CPQ: variants seen among roughly 807,000 people sequenced by gnomAD.
CPQ encodes Ser-Met dipeptidase.
CPQ carries 37 observed loss-of-function variants against 45.7 expected under a neutral mutation model. The ratio of observed to expected loss-of-function variants is 0.81; its 90% confidence interval spans 0.62 to 1.07. The LOEUF is 1.07. Among genes scored for constraint, CPQ ranks in the 50% least tolerant of loss-of-function variants. The pLI, the probability that CPQ is intolerant of heterozygous loss-of-function variation, is 0.00. For missense variants in CPQ, 537 were observed against 572.9 expected, an observed-to-expected ratio of 0.94 and a Z score of 0.64; for synonymous variants, 186 against 205.8, an observed-to-expected ratio of 0.90 and a Z score of 0.82.
At chr8:96,762,813 G>A (rs1283250045) in intron 1 of CPQ, among the ~76,000 whole-genome samples, 1 of 152,108 alleles carries the variant, frequency 6.6e-6, no homozygotes, top group Non-Finnish European at 1.5e-5. Context: ...TTTTCTTCTA[G>A]AAGTTTTTAT....
rs1421001699 is a variant in CPQ at position 96,662,507 on chromosome 8, TGAA to T, written c.-35+17109_-35+17111del. Among the ~76,000 whole-genome samples, 2 of 152,222 alleles carry T rather than the reference TGAA, an allele frequency of 1.3e-5. 1 individual carries two copies. Among genetic ancestry groups the T allele is most frequent in the South Asian group, 4.1e-4 (2 of 4,838 alleles). ...AGTATATCCTTGTTTATTCTCCTAA[TGAA>T]GAACTGCATCCTTAAAGCTGGCATA... On this transcript the variant is annotated intron_variant, in intron 1 of 7. Transcript: ENST00000220763.
chr8:96,786,226 C>A (rs1030662899), intron 2 of CPQ, among the ~76,000 whole-genome samples: 43 of 152,208 alleles, frequency 2.8e-4, no homozygotes, highest in African/African-American at 9.9e-4. Context: ...TGCTTTCTGT[C>A]TTTATGGATT....
chr8:96,736,662 A>G (rs558121740), intron 1 of CPQ, among the ~76,000 whole-genome samples: 1 of 152,216 alleles, frequency 6.6e-6, no homozygotes, highest in Non-Finnish European at 1.5e-5. Flanking sequence ...AAATGGCTGC[A>G]TACTACATGT....
chr8:96,754,741 T>C (rs1370821022), intron 1 of CPQ, among the ~76,000 whole-genome samples: 2 of 152,076 alleles, frequency 1.3e-5, no homozygotes, highest in Admixed American at 1.3e-4. Context: ...TAAAATATGT[T>C]TCATTTACCT....
In CPQ at chr8:97,035,998, T is replaced by C. The variant is rs531034466; in HGVS notation, c.1053+6504T>C. Among the ~76,000 whole-genome samples, 18 of 152,262 alleles carry C rather than the reference T, an allele frequency of 1.2e-4. 1 individual carries two copies. In the South Asian group the frequency reaches 3.1e-3, roughly 26 times the overall value. Reference sequence around the variant, plus strand: ...CTGGGATTACAGGCGTGAGCCACCATGCCCGGCCGCCTTAAGACTATCTTC... The same window carrying C: ...CTGGGATTACAGGCGTGAGCCACCACGCCCGGCCGCCTTAAGACTATCTTC... On this transcript the variant is annotated intron_variant, in intron 6 of 7. Coordinates refer to ENST00000220763, the MANE Select transcript of CPQ (RefSeq NM_016134.4).
At position 96,897,418 on chromosome 8, in the gene CPQ, A is replaced by C. The variant is rs373275278; in HGVS notation, c.849+17413A>C. The stretch of plus-strand genomic sequence containing the variant: ...TCATTGTTTCCTTACTAACTGTATG[A>C]AAGAAGAACACGTGTTGAGCCCCTC... On this transcript the variant is annotated intron_variant, in intron 4 of 7. Transcript: ENST00000220763. Among the ~76,000 whole-genome samples the C allele has an allele frequency of 6.6e-5, 10 of 152,254 alleles. No individual in the cohort carries two copies. The East Asian group carries it at 1.7e-3, about 27-fold the overall frequency.
At chr8:97,076,132 C>T (rs1289602304) in intron 7 of CPQ, among the ~76,000 whole-genome samples, 3 of 152,144 alleles carry the variant, frequency 2.0e-5, no homozygotes, top group South Asian at 2.1e-4. Flanking sequence ...TTCAAGTGAT[C>T]CTCCTGCCTC....
intron 7 of CPQ, among the ~76,000 whole-genome samples, chr8:97,093,214 C>G (rs184088504): frequency 6.6e-6 from 1 of 152,132 alleles, no homozygotes; most frequent in East Asian, 1.9e-4. Context: ...TTACACACTG[C>G]TGGTGGGAAT....
At chr8:96,970,500 C>T (rs1236292845) in intron 5 of CPQ, among the ~76,000 whole-genome samples, 1 of 152,010 alleles carries the variant, frequency 6.6e-6, no homozygotes, top group African/African-American at 2.4e-5. Flanking sequence ...AAGTACCTTG[C>T]CCAAGATCAC....
chr8:96,868,130 T>C (rs1586431785), intron 3 of CPQ, among the ~76,000 whole-genome samples: 1 of 152,060 alleles, frequency 6.6e-6, no homozygotes, highest in Non-Finnish European at 1.5e-5. Context: ...GAGTGGCTGC[T>C]CCATTAGCGT....
chr8:96,985,580 G>T (rs566512458), intron 5 of CPQ, among the ~76,000 whole-genome samples: 1 of 152,162 alleles, frequency 6.6e-6, no homozygotes, highest in Admixed American at 6.5e-5. Context: ...TCAGGACAAT[G>T]ACCTGACTGT....
intron 1 of CPQ, among the ~76,000 whole-genome samples, chr8:96,710,540 T>C (rs1284915464): frequency 6.6e-6 from 1 of 152,212 alleles, no homozygotes; most frequent in Non-Finnish European, 1.5e-5. Flanking sequence ...TTTGAAACCT[T>C]GTGTCACTAT....
At chr8:96,858,198 G>A (rs900287904) in intron 3 of CPQ, among the ~76,000 whole-genome samples, 6 of 152,124 alleles carry the variant, frequency 3.9e-5, no homozygotes, top group Admixed American at 3.9e-4. Flanking sequence ...GTACACAGGA[G>A]AAGGAGATAT....
chr8:96,812,823 C>G (rs1181179073), intron 2 of CPQ, among the ~76,000 whole-genome samples: 1 of 151,770 alleles, frequency 6.6e-6, no homozygotes, highest in African/African-American at 2.4e-5. Context: ...GTTTTTCCCT[C>G]AAGCTGAGCT....
rs556818494 is a variant in CPQ, at chr8:96,669,761, A to G, written c.-35+24359A>G. Reference sequence around the variant, plus strand: ...GCTATGTACAAGAAACTTACTTCATATGTAAACATATAGGCAATTTGGAAA... The same window carrying G: ...GCTATGTACAAGAAACTTACTTCATGTGTAAACATATAGGCAATTTGGAAA... On this transcript the variant is annotated intron_variant, in intron 1 of 7. Coordinates refer to ENST00000220763, the MANE Select transcript of CPQ (RefSeq NM_016134.4). Among the ~76,000 whole-genome samples the G allele has an allele frequency of 2.0e-5, 3 of 152,332 alleles. No individual in the cohort carries two copies. The East Asian group carries it at 5.8e-4, about 29-fold the overall frequency.
At chr8:97,068,018 G>A (rs973721408) in intron 7 of CPQ, among the ~76,000 whole-genome samples, 1 of 152,188 alleles carries the variant, frequency 6.6e-6, no homozygotes, top group Non-Finnish European at 1.5e-5. Context: ...GTGGGTGAAT[G>A]AGAGTGCAGA....
intron 1 of CPQ, among the ~76,000 whole-genome samples, chr8:96,708,805 T>C (rs1809568673): frequency 6.6e-6 from 1 of 152,006 alleles, no homozygotes; most frequent in South Asian, 2.1e-4. Flanking sequence ...TTTCGCAGAG[T>C]TACGTATCTC....
At chr8:96,914,492 G>A (rs1284463867) in intron 4 of CPQ, among the ~76,000 whole-genome samples, 1 of 152,090 alleles carries the variant, frequency 6.6e-6, no homozygotes, top group Non-Finnish European at 1.5e-5. Flanking sequence ...CCTTGAACAG[G>A]TTTAGGAAAT....
At chr8:96,872,665 C>A (rs1227710954) in intron 3 of CPQ, among the ~76,000 whole-genome samples, 2 of 151,744 alleles carry the variant, frequency 1.3e-5, no homozygotes, top group Non-Finnish European at 2.9e-5. Flanking sequence ...TTGTATTAGT[C>A]AGGACTATCC....
Sources: allele counts gnomAD v4.1 joint callset (sites outside exome capture counted in the v4.1 genomes callset), GRCh38; gene constraint gnomAD v4.1.1; transcripts MANE v1.5; gene names NCBI Gene and HGNC (gene_info 2026-07-23, HGNC 2026-07-21).